The following EIF2B3 variants were observed in gnomAD, a reference collection of about 807,000 sequenced individuals.
EIF2B3 encodes eukaryotic translation initiation factor 2B subunit gamma, also known as translation initiation factor eIF2B subunit gamma.
Under a neutral mutation model 54.1 loss-of-function variants are expected in EIF2B3, and 20 were observed. The ratio of observed to expected loss-of-function variants is 0.37; its 90% CI spans 0.26 to 0.54. The LOEUF (loss-of-function observed/expected upper bound fraction) is 0.54, where lower values mean the gene tolerates loss of function less well. Ranked by LOEUF, EIF2B3 falls within the 20% of genes least tolerant of loss-of-function variation. The probability of loss-of-function intolerance (pLI) is 0.86; values close to 1 mark genes in which losing one functional copy is unlikely to be tolerated. For missense variants in EIF2B3, 448 were observed against 547.8 expected (o/e 0.82, Z 1.82); for synonymous variants, 153 against 188.1 (o/e 0.81, Z 1.52).
chr1:44,874,231 A>G (rs1277953733), intron 10 of EIF2B3, among the ~76,000 whole-genome samples: 2 of 152,212 alleles, frequency 1.3e-5, no homozygotes, highest in East Asian at 3.8e-4. Context: ...TCCCCGATTC[A>G]ACTTCAAACT....
rs541587864 is a variant in EIF2B3 at position 44,888,354 on chromosome 1, C to T, written c.657-6615G>A. ...TTTTCCTTTGTGATGCAGCTTGGCC[C>T]CAGGAGCGATGGTGTGGCAAGCAGG... On this transcript the variant is annotated intron_variant, in intron 6 of 11. Coordinates refer to ENST00000360403, the MANE Select transcript of EIF2B3 (RefSeq NM_020365.5). 2.6e-5 allele frequency among the ~76,000 whole-genome samples: 4 copies of T among 152,232 alleles called. No individual in the cohort carries two copies. In the South Asian group the frequency reaches 6.2e-4, roughly 24 times the overall value.
At chr1:44,861,751 C>T (rs777427442) in intron 10 of EIF2B3, among the ~76,000 whole-genome samples, 3 of 152,146 alleles carry the variant, frequency 2.0e-5, no homozygotes, top group East Asian at 1.9e-4. Context: ...AGTGGGGTGA[C>T]GGATGGAAAG....
At chr1:44,960,074 CTTCATA>C (rs1485943952) in intron 3 of EIF2B3, among the ~76,000 whole-genome samples, 1 of 151,852 alleles carries the variant, frequency 6.6e-6, no homozygotes, top group Non-Finnish European at 1.5e-5. Flanking sequence ...ATGTATTTAC[CTTCATA>C]TTAACTTGTT....
intron 10 of EIF2B3, among the ~76,000 whole-genome samples, chr1:44,858,760 T>C (rs1450782432): frequency 5.3e-5 from 8 of 151,986 alleles, no homozygotes; most frequent in Admixed American, 1.3e-4. Context: ...CCACCGCACC[T>C]GGCCTAAACA....
intron 5 of EIF2B3, among the ~76,000 whole-genome samples, chr1:44,907,629 G>A (rs1643436804): frequency 6.6e-6 from 1 of 151,934 alleles, no homozygotes; most frequent in South Asian, 2.1e-4. Flanking sequence ...AGCCGGGCAC[G>A]GTGGCTCATG....
In EIF2B3 at chr1:44,892,989, T is replaced by C. The variant is rs955259720; in HGVS notation, c.656+4366A>G. 3.3e-5 allele frequency among the ~76,000 whole-genome samples: 5 copies of C among 152,244 alleles called. No homozygotes were observed. The East Asian group carries it at 7.7e-4, about 23-fold the overall frequency. Reference sequence around the variant, plus strand: ...ACAGCACTATCTGGTCCCTCATCTCTGCTTATCTCCACTCTGCTGTCTTGT... The same window carrying C: ...ACAGCACTATCTGGTCCCTCATCTCCGCTTATCTCCACTCTGCTGTCTTGT... On this transcript the variant is annotated intron_variant, in intron 6 of 11. Transcript: ENST00000360403.
intron 11 of EIF2B3, among the ~76,000 whole-genome samples, chr1:44,855,705 C>T (rs971073677): frequency 2.0e-5 from 3 of 152,092 alleles, no homozygotes; most frequent in Non-Finnish European, 4.4e-5. Flanking sequence ...TACAGGCATG[C>T]ACTACCACAC....
chr1:44,891,878 A>T (rs2148911804), intron 6 of EIF2B3, among the ~76,000 whole-genome samples: 1 of 152,304 alleles, frequency 6.6e-6, no homozygotes, highest in Middle Eastern at 3.4e-3. Context: ...AGCAATGCTT[A>T]TGATAGGTAT....
chr1:44,959,544 A>G (rs1321752941), intron 3 of EIF2B3: 1 of 177,598 alleles, frequency 5.6e-6, no homozygotes, highest in Non-Finnish European at 1.2e-5. Flanking sequence ...CCCTATTTCT[A>G]AAAAACGTAA....
At position 44,986,138 on chromosome 1, in the gene EIF2B3, CTTTTTTT is replaced by C. The variant is rs66786376; in HGVS notation, c.-10+348_-10+354del. ...AAACTTCGTTTCTTTCTTTTCTTTTCTTTTTTTTTTTTTTTTTGAAACGGAGAGTCTC... is the reference window on the plus strand; with the variant it reads ...AAACTTCGTTTCTTTCTTTTCTTTTCTTTTTTTTTTGAAACGGAGAGTCTC... On this transcript the variant is annotated intron_variant, in intron 1 of 11. Coordinates refer to ENST00000360403, the MANE Select transcript of EIF2B3 (RefSeq NM_020365.5). Among the ~76,000 whole-genome samples, 68 of 142,264 alleles carry C rather than the reference CTTTTTTT, an allele frequency of 4.8e-4. No individual in the cohort carries two copies. The East Asian group carries it at 6.5e-3, about 14-fold the overall frequency. The allele number at this position is 142,264 out of a possible 152,430, so 93.3% of individuals were successfully genotyped here. A position where few individuals can be genotyped will look rare whatever the true frequency, so the allele number is the denominator to read the frequency against.
intron 5 of EIF2B3, among the ~76,000 whole-genome samples, chr1:44,906,526 G>A (rs1297330231): frequency 6.6e-6 from 1 of 152,110 alleles, no homozygotes; most frequent in Non-Finnish European, 1.5e-5. Flanking sequence ...TCAGCCTCCC[G>A]AGTAGCTGGG....
chr1:44,950,741 T>G (rs1389367775), intron 3 of EIF2B3, among the ~76,000 whole-genome samples: 4 of 152,162 alleles, frequency 2.6e-5, no homozygotes, highest in Non-Finnish European at 5.9e-5. Flanking sequence ...CAGACTGGAG[T>G]GCAATGGTGC....
At chr1:44,867,179 A>G (rs1190282064) in intron 10 of EIF2B3, among the ~76,000 whole-genome samples, 5 of 152,198 alleles carry the variant, frequency 3.3e-5, no homozygotes, top group Admixed American at 6.5e-5. Flanking sequence ...TGAAGATGCT[A>G]CTCTAGACTG....
chr1:44,894,632 T>C (rs1222584123), intron 6 of EIF2B3, among the ~76,000 whole-genome samples: 1 of 152,134 alleles, frequency 6.6e-6, no homozygotes, highest in Non-Finnish European at 1.5e-5. Flanking sequence ...GGGTAGAATA[T>C]GTTAACTCTC....
At chr1:44,877,756 G>A (rs1039125485) in intron 8 of EIF2B3, among the ~76,000 whole-genome samples, 22 of 152,248 alleles carry the variant, frequency 1.4e-4, no homozygotes, top group Non-Finnish European at 1.6e-4. Flanking sequence ...CAGGTAGTGC[G>A]CCTGTCTATG....
chr1:44,895,526 C>CTATA (rs1462712141), intron 6 of EIF2B3, among the ~76,000 whole-genome samples: 14 of 150,716 alleles, frequency 9.3e-5, no homozygotes, highest in Non-Finnish European at 1.0e-4. Context: ...CTCTCTCTCT[C>CTATA]TCTATATATA....
chr1:44,907,549 T>C (rs1378634563), intron 5 of EIF2B3, among the ~76,000 whole-genome samples: 1 of 147,262 alleles, frequency 6.8e-6, no homozygotes, highest in Non-Finnish European at 1.5e-5. Flanking sequence ...AGAGCAAAAC[T>C]CCTTCTCAAA....
chr1:44,863,315 C>T (rs962676364), intron 10 of EIF2B3, among the ~76,000 whole-genome samples: 1 of 152,160 alleles, frequency 6.6e-6, no homozygotes, highest in Non-Finnish European at 1.5e-5. Flanking sequence ...CTAACCTAAG[C>T]CCTTCTAAGC....
intron 5 of EIF2B3, among the ~76,000 whole-genome samples, chr1:44,923,197 T>C (rs1643786285): frequency 1.3e-5 from 2 of 152,246 alleles, no homozygotes; most frequent in Non-Finnish European, 2.9e-5. Context: ...CCTTTCCAAT[T>C]TAGATGCCCT....
Sources: gnomAD v4.1 joint callset for allele counts (sites outside exome capture counted in the v4.1 genomes callset) on GRCh38, gnomAD v4.1.1 for gene constraint, MANE v1.5 for transcripts, NCBI Gene and HGNC (gene_info 2026-07-23, HGNC 2026-07-21) for gene names.